The following RALGAPA1 variants were observed in gnomAD, a reference collection of about 807,000 sequenced individuals.
RALGAPA1 encodes ral GTPase-activating protein subunit alpha-1.
In RALGAPA1, 52 loss-of-function variants were observed where a neutral mutation model predicts 269.6. The ratio of observed to expected loss-of-function variants is 0.19; its 90% CI spans 0.15 to 0.24. The LOEUF is 0.24. Ranked by LOEUF, RALGAPA1 falls within the 10% of genes least tolerant of loss-of-function variation. RALGAPA1 has a pLI of 1.00. For synonymous variants in RALGAPA1, 817 were observed against 1,008.3 expected (o/e 0.81, Z 3.60); for missense variants, 1,917 against 3,013.9 (o/e 0.64, Z 8.52).
rs181283673 is a variant in RALGAPA1, at chr14:35,673,610, C to T, written c.4917+570G>A. Among the ~76,000 whole-genome samples, 46 of 152,070 alleles carry T rather than the reference C, an allele frequency of 3.0e-4. 1 individual carries two copies. Among genetic ancestry groups the T allele is most frequent in the Middle Eastern group, 3.4e-3 (1 of 294 alleles). On this transcript the variant is annotated intron_variant, in intron 24 of 41. Coordinates refer to ENST00000680220, the MANE Select transcript of RALGAPA1 (RefSeq NM_001346249.2). Reference sequence around the variant, plus strand: ...AAATTTTTTTTTTGAGACGGAGTTTCGCTCTCATCACACAGGCTGGAGTGC... The same window carrying T: ...AAATTTTTTTTTTGAGACGGAGTTTTGCTCTCATCACACAGGCTGGAGTGC...
intron 5 of RALGAPA1, 137 bp downstream of exon 5, chr14:35,762,573 G>A: frequency 1.4e-6 from 1 of 718,284 alleles, no homozygotes; most frequent in South Asian, 1.5e-5. Context: ...ACATTTTAAG[G>A]GAACTCACTT....
At chr14:35,763,453 A>G (rs2141389919) in intron 4 of RALGAPA1, among the ~76,000 whole-genome samples, 1 of 152,218 alleles carries the variant, frequency 6.6e-6, no homozygotes, top group Admixed American at 6.5e-5. Flanking sequence ...AAATATTTTT[A>G]TATTATTACT....
chr14:35,731,656 T>C (rs2070488488), intron 12 of RALGAPA1, among the ~76,000 whole-genome samples: 1 of 152,154 alleles, frequency 6.6e-6, no homozygotes, highest in Admixed American at 6.5e-5. Context: ...GAAGACATGG[T>C]CTTCAAATTA....
At chr14:35,792,794 AG>A (rs2076275953) in intron 1 of RALGAPA1, among the ~76,000 whole-genome samples, 1 of 141,210 alleles carries the variant, frequency 7.1e-6, no homozygotes, top group Non-Finnish European at 1.5e-5. Flanking sequence ...AAAAAAAAAA[AG>A]AAAGAAAGAG....
chr14:35,805,566 A>C (rs1248201758), intron 1 of RALGAPA1, among the ~76,000 whole-genome samples: 2 of 151,920 alleles, frequency 1.3e-5, no homozygotes, highest in African/African-American at 4.8e-5. Flanking sequence ...ACAGCAGATT[A>C]GTGGTTGCTC....
intron 39 of RALGAPA1, among the ~76,000 whole-genome samples, chr14:35,569,394 T>C (rs1420485707): frequency 6.6e-6 from 1 of 152,230 alleles, no homozygotes; most frequent in Non-Finnish European, 1.5e-5. Context: ...ACTTTGTGTA[T>C]GTTGTGTGCC....
intron 1 of RALGAPA1, among the ~76,000 whole-genome samples, chr14:35,803,005 CAT>C (rs906341320): frequency 7.2e-5 from 11 of 151,942 alleles, no homozygotes; most frequent in Non-Finnish European, 1.3e-4. Context: ...TCTTTAGACT[CAT>C]ATGGAAATGT....
chr14:35,595,002 C>A, intron 37 of RALGAPA1, among the ~76,000 whole-genome samples: 1 of 151,404 alleles, frequency 6.6e-6, no homozygotes, highest in Non-Finnish European at 1.5e-5. Flanking sequence ...CATGAATGGA[C>A]TTGGAGGACA....
At chr14:35,719,471 GTT>G (rs1222740733) in intron 16 of RALGAPA1, among the ~76,000 whole-genome samples, 1 of 152,108 alleles carries the variant, frequency 6.6e-6, no homozygotes, top group Non-Finnish European at 1.5e-5. Flanking sequence ...AGACAAAACT[GTT>G]TTGACATTAG....
At chr14:35,628,021 T>G (rs570032420) in intron 33 of RALGAPA1, 70 bp from the exon 34 acceptor site, 3 of 1,438,436 alleles carry the variant, frequency 2.1e-6, no homozygotes, top group East Asian at 2.3e-5. Context: ...AATGAAATAT[T>G]AGACAACAAA....
At chr14:35,585,524 G>T (rs1057422426) in intron 37 of RALGAPA1, among the ~76,000 whole-genome samples, 2 of 152,208 alleles carry the variant, frequency 1.3e-5, no homozygotes, top group South Asian at 4.1e-4. Context: ...AGTTAAAAAT[G>T]GTTTAAAAAA....
In RALGAPA1 at chr14:35,700,292, G is replaced by A; in HGVS notation, c.2277C>T (p.Ser759=). 1 of 1,510,102 alleles carries A rather than the reference G, an allele frequency of 6.6e-7. No homozygotes were observed. Among genetic ancestry groups the A allele is most frequent in the South Asian group, 1.3e-5 (1 of 78,700 alleles). 93.5% of individuals were successfully genotyped at this position (1,510,102 alleles called of 1,614,324 possible). A position where few individuals can be genotyped will look rare whatever the true frequency, so the allele number is the denominator to read the frequency against. ...GCAGAGCACATTCACCAATGGATCG[G>A]CTTCTCATGGCTTTAAAAAAGGAAA... ...IVRQKTVAMR[S]RSIGECALPS... The change falls in exon 17 of 42, where the codon AGC becomes AGT. Residue 759 remains serine, a synonymous_variant. Coordinates refer to ENST00000680220, the MANE Select transcript of RALGAPA1 (RefSeq NM_001346249.2).
rs775552087 is a variant in RALGAPA1, at chr14:35,608,674, C to CA, written c.6930-2966dup. Among the ~76,000 whole-genome samples, 106 of 152,136 alleles carry CA rather than the reference C, an allele frequency of 7.0e-4. 1 individual carries two copies. Among genetic ancestry groups the CA allele is most frequent in the Non-Finnish European group, 1.1e-3 (72 of 68,010 alleles). Reference sequence around the variant, plus strand: ...TTACAAATATATATGCACCCAAAAACAGAGCCCCAAAATACATGATGCAAA... The same window carrying CA: ...TTACAAATATATATGCACCCAAAAACAAGAGCCCCAAAATACATGATGCAAA... On this transcript the variant is annotated intron_variant, in intron 35 of 41. Transcript: ENST00000680220.
At chr14:35,794,266 G>A (rs546291162) in intron 1 of RALGAPA1, among the ~76,000 whole-genome samples, 1 of 151,860 alleles carries the variant, frequency 6.6e-6, no homozygotes, top group Non-Finnish European at 1.5e-5. Flanking sequence ...CTTGAGCCCA[G>A]GAGTTTAAGA....
intron 1 of RALGAPA1, among the ~76,000 whole-genome samples, chr14:35,776,887 T>G (rs1330417242): frequency 2.0e-5 from 3 of 152,018 alleles, no homozygotes; most frequent in African/African-American, 4.8e-5. Context: ...TTTTTTAAAT[T>G]TACTATTTAC....
At chr14:35,588,604 T>C (rs1325566135) in intron 37 of RALGAPA1, among the ~76,000 whole-genome samples, 1 of 152,148 alleles carries the variant, frequency 6.6e-6, no homozygotes, top group Non-Finnish European at 1.5e-5. Context: ...AAAGACAAAA[T>C]GTAACGGCAA....
intron 6 of RALGAPA1, among the ~76,000 whole-genome samples, chr14:35,759,629 G>A (rs1224547594): frequency 1.3e-5 from 2 of 151,880 alleles, no homozygotes; most frequent in South Asian, 2.1e-4. Context: ...GAAAAATCTG[G>A]TCGGGTGTAG....
intron 26 of RALGAPA1, among the ~76,000 whole-genome samples, chr14:35,670,836 T>A (rs2140236245): frequency 6.6e-6 from 1 of 151,634 alleles, no homozygotes; most frequent in African/African-American, 2.4e-5. Context: ...GGCAGGAGAA[T>A]CACTTGGACC....
At chr14:35,782,922 A>C (rs2075553934) in intron 1 of RALGAPA1, among the ~76,000 whole-genome samples, 1 of 152,044 alleles carries the variant, frequency 6.6e-6, no homozygotes, top group Admixed American at 6.6e-5. Context: ...CCCAGACTCA[A>C]GCAATCCTCC....
Sources: gnomAD v4.1 joint callset for allele counts (sites outside exome capture counted in the v4.1 genomes callset) on GRCh38, gnomAD v4.1.1 for gene constraint, MANE v1.5 for transcripts, NCBI Gene and HGNC (gene_info 2026-07-23, HGNC 2026-07-21) for gene names.